DPP6: variants seen among roughly 807,000 people sequenced by gnomAD.
DPP6 encodes A-type potassium channel modulatory protein DPP6.
Under a neutral mutation model 122.6 loss-of-function variants are expected in DPP6, and 69 were observed. That is an observed-to-expected ratio of 0.56 (90% CI 0.46 to 0.69). DPP6 has a LOEUF of 0.69. Ranked by LOEUF, DPP6 falls within the 30% of genes least tolerant of loss-of-function variation. The pLI is 0.00. For synonymous variants in DPP6, 418 were observed against 433.1 expected (o/e 0.97, Z 0.43); for missense variants, 928 against 1,116.9 (o/e 0.83, Z 2.41).
chr7:154,053,423 T>C (rs1800556774), intron 1 of DPP6, among the ~76,000 whole-genome samples: 1 of 151,838 alleles, frequency 6.6e-6, no homozygotes, highest in Non-Finnish European at 1.5e-5. Context: ...GGCCTGTGCT[T>C]ACGAGTTGGT....
At chr7:154,375,100 C>T (rs1018588384) in intron 1 of DPP6, among the ~76,000 whole-genome samples, 8 of 151,944 alleles carry the variant, frequency 5.3e-5, no homozygotes, top group South Asian at 2.1e-4. Context: ...AAAAGAGGAG[C>T]GTGAGTCCCG....
intron 1 of DPP6, among the ~76,000 whole-genome samples, chr7:153,984,077 CA>C: frequency 6.6e-6 from 1 of 151,854 alleles, no homozygotes; most frequent in South Asian, 2.1e-4. Context: ...CACACACACA[CA>C]CACACACACA....
At chr7:154,749,121 CCGGAAAG>C in intron 8 of DPP6, among the ~76,000 whole-genome samples, 1 of 129,942 alleles carries the variant, frequency 7.7e-6, no homozygotes, top group African/African-American at 3.0e-5. Context: ...GAGCATAGGA[CCGGAAAG>C]AGAAGGATGG....
In DPP6 at chr7:153,965,500, C is replaced by A. The variant is rs189406132; in HGVS notation, c.51+77766C>A. Among the ~76,000 whole-genome samples, 6 of 152,176 alleles carry A rather than the reference C, an allele frequency of 3.9e-5. No individual in the cohort carries two copies. The East Asian group carries it at 1.2e-3, about 29-fold the overall frequency. ...TGAAAATGACACCATTCTCCATGCACCAATTCTTTTTATTTTATTTTTTAT... is the reference window on the plus strand; with the variant it reads ...TGAAAATGACACCATTCTCCATGCAACAATTCTTTTTATTTTATTTTTTAT... On this transcript the variant is annotated intron_variant, in intron 1 of 25. Transcript: ENST00000404039.
At chr7:154,780,629 T>G (rs1256111398) in intron 10 of DPP6, among the ~76,000 whole-genome samples, 1 of 152,226 alleles carries the variant, frequency 6.6e-6, no homozygotes, top group Non-Finnish European at 1.5e-5. Context: ...GGTGAGCCAG[T>G]GCTGGTAAAC....
intron 3 of DPP6, among the ~76,000 whole-genome samples, chr7:154,519,774 A>G (rs1826822027): frequency 6.6e-6 from 1 of 152,200 alleles, no homozygotes; most frequent in Non-Finnish European, 1.5e-5. Flanking sequence ...GATTCTACCT[A>G]AAATTCTTCT....
chr7:154,539,837 GT>G (rs1429972859), intron 3 of DPP6, among the ~76,000 whole-genome samples: 5 of 151,914 alleles, frequency 3.3e-5, no homozygotes, highest in Non-Finnish European at 5.9e-5. Flanking sequence ...CTGTTGGAGT[GT>G]TTTTATCTCA....
chr7:153,888,434 AG>A (rs1799038339), intron 1 of DPP6, among the ~76,000 whole-genome samples: 1 of 152,126 alleles, frequency 6.6e-6, no homozygotes, highest in South Asian at 2.1e-4. Context: ...TTCTAAGTGG[AG>A]GACCCGGCGA....
chr7:154,575,480 T>TATGTGTG, intron 5 of DPP6, among the ~76,000 whole-genome samples: 1 of 58,422 alleles, frequency 1.7e-5, no homozygotes, highest in Non-Finnish European at 3.1e-5. Context: ...GTGTGTGGTG[T>TATGTGTG]GTGTGTGGTG....
intron 1 of DPP6, among the ~76,000 whole-genome samples, chr7:153,999,852 T>G (rs1366696405): frequency 2.0e-5 from 3 of 151,954 alleles, no homozygotes; most frequent in Non-Finnish European, 2.9e-5. Flanking sequence ...CCAGCTAATT[T>G]GGAGGGTGAG....
chr7:154,853,328 GT>G (rs11346395), intron 16 of DPP6, among the ~76,000 whole-genome samples: 1,816 of 152,284 alleles, frequency 0.012, 32 homozygotes, highest in African/African-American at 0.041. Flanking sequence ...ACATGAATAC[GT>G]TTTTACAAGG....
intron 1 of DPP6, among the ~76,000 whole-genome samples, chr7:154,337,666 C>T (rs919894511): frequency 1.3e-5 from 2 of 152,186 alleles, no homozygotes; most frequent in Non-Finnish European, 2.9e-5. Flanking sequence ...CCAGGCAGAT[C>T]TCAGCCATCC....
chr7:154,812,663 A>G (rs1225331663), intron 16 of DPP6, among the ~76,000 whole-genome samples: 1 of 152,150 alleles, frequency 6.6e-6, no homozygotes, highest in Non-Finnish European at 1.5e-5. Context: ...CCACCTCTTA[A>G]TACCATCACG....
chr7:154,428,048 C>A (rs1818055174), intron 1 of DPP6, among the ~76,000 whole-genome samples: 1 of 151,912 alleles, frequency 6.6e-6, no homozygotes, highest in South Asian at 2.1e-4. Context: ...TAAAAGAAAC[C>A]TAGGTAAATT....
chr7:154,767,639 G>C (rs150292216), intron 8 of DPP6, among the ~76,000 whole-genome samples: 1 of 152,210 alleles, frequency 6.6e-6, no homozygotes, highest in South Asian at 2.1e-4. Context: ...AGACGCAGAG[G>C]GGAAGGGGAT....
chr7:154,734,198 T>A lies in DPP6; in HGVS notation c.883+6311T>A, dbSNP rs911733246. On this transcript the variant is annotated intron_variant, in intron 8 of 25. Transcript: ENST00000377770. ...CAGGCTCTCACTATGTTGCCCAGGCTGGCCTCAAACTTGTGTGCTCCTGGC... is the reference window on the plus strand; with the variant it reads ...CAGGCTCTCACTATGTTGCCCAGGCAGGCCTCAAACTTGTGTGCTCCTGGC... 3.9e-5 allele frequency among the ~76,000 whole-genome samples: 6 copies of A among 152,270 alleles called. No individual in the cohort carries two copies. The East Asian group carries it at 1.2e-3, about 29-fold the overall frequency.
intron 11 of DPP6, among the ~76,000 whole-genome samples, chr7:154,794,530 C>T (rs1797897761): frequency 6.6e-6 from 1 of 152,204 alleles, no homozygotes; most frequent in Middle Eastern, 3.2e-3. Flanking sequence ...GCGTCCTCCT[C>T]GTTGCAGCTG....
intron 1 of DPP6, among the ~76,000 whole-genome samples, chr7:154,351,209 T>A (rs1313712045): frequency 3.9e-5 from 6 of 152,078 alleles, no homozygotes; most frequent in African/African-American, 1.4e-4. Flanking sequence ...AGCAATTTGG[T>A]TTTATTAATT....
At chr7:154,466,214 G>A (rs529441031) in intron 2 of DPP6, among the ~76,000 whole-genome samples, 12 of 152,198 alleles carry the variant, frequency 7.9e-5, no homozygotes, top group East Asian at 3.9e-4. Context: ...GAGGGGTGGG[G>A]GGCAAGGGAA....
Sources: gnomAD v4.1 joint callset for allele counts (sites outside exome capture counted in the v4.1 genomes callset) on GRCh38, gnomAD v4.1.1 for gene constraint, MANE v1.5 for transcripts, NCBI Gene and HGNC (gene_info 2026-07-23, HGNC 2026-07-21) for gene names.